The following OXGR1 variants were observed in gnomAD, a reference collection of about 807,000 sequenced individuals.
OXGR1 encodes the protein oxoglutarate receptor 1, also known as 2-oxoglutarate receptor 1.
A neutral mutation model predicts 10.0 loss-of-function variants in OXGR1; 10 were observed. That is an observed-to-expected ratio of 1.00 (90% CI 0.62 to 1.70). OXGR1 has a LOEUF of 1.70. Ranked by LOEUF, OXGR1 falls within the 40% of genes most tolerant of loss-of-function variation. The pLI is 0.00. For missense variants in OXGR1, 398 were observed against 407.6 expected (o/e 0.98, Z 0.20); for synonymous variants, 191 against 155.9 (o/e 1.22, Z -1.68).
At chr13:96,988,422 G>A (rs146767504) in intron 3 of OXGR1, among the ~76,000 whole-genome samples, 5 of 152,230 alleles carry the variant, frequency 3.3e-5, no homozygotes, top group East Asian at 3.9e-4. Flanking sequence ...CATGATTGCC[G>A]TAAATAACGG....
At chr13:96,991,544 A>G (rs74107003) in intron 2 of OXGR1, among the ~76,000 whole-genome samples, 6,764 of 152,342 alleles carry the variant, frequency 0.044, 478 homozygotes, top group African/African-American at 0.15. Context: ...CAGCTTTAAC[A>G]TAACCAAAAA....
rs558708171 is a variant in OXGR1 at position 96,992,573 on chromosome 13, C to T, written c.-277-1G>A. 4 of 152,274 alleles carry T rather than the reference C, an allele frequency of 2.6e-5. No individual in the cohort carries two copies. The highest frequency in any genetic ancestry group is 4.4e-5 in the Non-Finnish European group (3 of 68,042). 9.4% of individuals were successfully genotyped at this position (152,274 alleles called of 1,614,324 possible). On this transcript the variant is annotated splice_acceptor_variant, in intron 1 of 3. Coordinates refer to ENST00000541038, the MANE Select transcript of OXGR1 (RefSeq NM_001346194.2). LOFTEE classifies it low-confidence loss of function (5UTR_SPLICE). ...CCTCACGGATTGGGATTCCAAGATT[C>T]TGTGGGTAAAGAAGGCAGGATCAGA...
intron 2 of OXGR1, among the ~76,000 whole-genome samples, chr13:96,992,117 T>G (rs1487935751): frequency 6.7e-6 from 1 of 149,330 alleles, no homozygotes; most frequent in Non-Finnish European, 1.5e-5. Context: ...AGGGGATGGC[T>G]AATGTGTACA....
chr13:96,987,361 A>G lies in OXGR1; in HGVS notation c.399T>C (p.Cys133=). ...FLTCFSIFRY[C]VIIHPMSCFS... is the part of the protein sequence containing the mutation. Reference sequence around the variant, plus strand: ...AGCAGCTCATTGGGTGAATGATCACACAGTAGCGGAAGATGCTGAAACAGG... The same window carrying G: ...AGCAGCTCATTGGGTGAATGATCACGCAGTAGCGGAAGATGCTGAAACAGG... Residue 133 remains cysteine (C), a synonymous_variant, in exon 4 of 4, where the codon TGT becomes TGC. Coordinates refer to ENST00000541038, the MANE Select transcript of OXGR1 (RefSeq NM_001346194.2). 1 of 1,614,220 alleles carries G rather than the reference A, an allele frequency of 6.2e-7. No homozygotes were observed. The highest frequency in any genetic ancestry group is 1.6e-4 in the Middle Eastern group (1 of 6,062).
chr13:96,990,298 T>C (rs1199872153), intron 2 of OXGR1, among the ~76,000 whole-genome samples: 1 of 152,174 alleles, frequency 6.6e-6, no homozygotes, highest in Non-Finnish European at 1.5e-5. Flanking sequence ...AGACAGTTCT[T>C]AGATTATGTC....
chr13:96,990,281 G>T (rs569442467), intron 2 of OXGR1, among the ~76,000 whole-genome samples: 2 of 152,190 alleles, frequency 1.3e-5, no homozygotes, highest in Non-Finnish European at 2.9e-5. Flanking sequence ...GAAGCAGCAC[G>T]TCCCAAAGAC....
At position 96,987,027 on chromosome 13, in the gene OXGR1, G is replaced by T; in HGVS notation, c.733C>A (p.Leu245Met). Residue 245 changes from leucine (L) to methionine (M), a missense_variant, in exon 4 of 4, where the codon CTG (leucine) becomes ATG (methionine). Leu to Met is a conservative substitution (Grantham distance 15, BLOSUM62 2). Transcript: ENST00000541038. ...CATACGTAAAATGCAAGGAGTAGCA[G>T]AATGGTTAGCCTTCGTGCTTTCTGC... The part of the protein sequence containing the change: ...LKQKARRLTI[L>M]LLLAFYVCFL... 1.2e-6 allele frequency: 2 copies of T among 1,614,208 alleles called. No individual in the cohort carries two copies. Among genetic ancestry groups the T allele is most frequent in the Non-Finnish European group, 1.7e-6 (2 of 1,180,038 alleles).
intron 1 of OXGR1, 28 bp from the exon 2 acceptor site, chr13:96,992,600 A>G (rs1462551910): frequency 6.6e-6 from 1 of 152,164 alleles, no homozygotes. Flanking sequence ...AGGATCAGAA[A>G]TGCTATCCAG....
chr13:96,987,816 C>A lies in OXGR1; in HGVS notation c.-57G>T. 1 of 1,510,890 alleles carries A rather than the reference C, an allele frequency of 6.6e-7. No homozygotes were observed. Among genetic ancestry groups the A allele is most frequent in the South Asian group, 1.4e-5 (1 of 73,046 alleles). 93.6% of individuals were successfully genotyped at this position (1,510,890 alleles called of 1,614,324 possible). ...GAGAGTTCAGTTTGGCAATATGAAT[C>A]AAATGAGCAGTAACTCGCTGATAAA... On this transcript the variant is annotated 5_prime_UTR_variant, in exon 4 of 4. Coordinates refer to ENST00000541038, the MANE Select transcript of OXGR1 (RefSeq NM_001346194.2).
In OXGR1 at chr13:96,987,362, C is replaced by G; in HGVS notation, c.398G>C (p.Cys133Ser). 3.7e-6 allele frequency: 6 copies of G among 1,614,150 alleles called. No individual in the cohort carries two copies. Among genetic ancestry groups the G allele is most frequent in the East Asian group, 4.5e-5 (2 of 44,878 alleles). Reference sequence around the variant, plus strand: ...GCAGCTCATTGGGTGAATGATCACACAGTAGCGGAAGATGCTGAAACAGGT... The same window carrying G: ...GCAGCTCATTGGGTGAATGATCACAGAGTAGCGGAAGATGCTGAAACAGGT... ...FLTCFSIFRY[C>S]VIIHPMSCFS... Residue 133 changes from cysteine (C) to serine (S), a missense_variant, in exon 4 of 4, where the codon TGT (cysteine) becomes TCT (serine). Coordinates refer to ENST00000541038, the MANE Select transcript of OXGR1 (RefSeq NM_001346194.2).
rs767065090 is a variant in OXGR1, at chr13:96,987,231, T to C, written c.529A>G (p.Arg177Gly). Reference protein sequence around the residue: ...PMTFLITSTNRTNRSACLDLT... With the variant: ...PMTFLITSTNGTNRSACLDLT... ...TCGAGACAGGCTGATCTGTTGGTCCTGTTGGTTGATGTGATCAAGAAGGTC... is the reference window on the plus strand; with the variant it reads ...TCGAGACAGGCTGATCTGTTGGTCCCGTTGGTTGATGTGATCAAGAAGGTC... Residue 177 changes from arginine (R) to glycine (G), a missense_variant, in exon 4 of 4, where the codon AGG (arginine) becomes GGG (glycine). By Grantham distance (125) the Arg-to-Gly change is moderately radical. Coordinates refer to ENST00000541038, the MANE Select transcript of OXGR1 (RefSeq NM_001346194.2). 4 of 1,613,996 alleles carry C rather than the reference T, an allele frequency of 2.5e-6. No homozygotes were observed. The highest frequency in any genetic ancestry group is 3.4e-6 in the Non-Finnish European group (4 of 1,179,958).
chr13:96,993,583 T>A (rs979223545), intron 1 of OXGR1, among the ~76,000 whole-genome samples: 2 of 152,204 alleles, frequency 1.3e-5, no homozygotes, highest in Non-Finnish European at 2.9e-5. Context: ...TAAGAGGTCA[T>A]GTTGATGCAG....
At chr13:96,991,126 C>A (rs914352841) in intron 2 of OXGR1, among the ~76,000 whole-genome samples, 1 of 151,964 alleles carries the variant, frequency 6.6e-6, no homozygotes, top group African/African-American at 2.4e-5. Context: ...TTCTGAAAAA[C>A]AATAGTTCAA....
At chr13:96,988,355 C>A (rs898541452) in intron 3 of OXGR1, among the ~76,000 whole-genome samples, 1 of 152,172 alleles carries the variant, frequency 6.6e-6, no homozygotes, top group Non-Finnish European at 1.5e-5. Flanking sequence ...AAAAGCCATT[C>A]CCTTTCTACA....
intron 1 of OXGR1, among the ~76,000 whole-genome samples, chr13:96,993,953 C>A (rs1417460219): frequency 1.3e-5 from 2 of 152,258 alleles, no homozygotes; most frequent in African/African-American, 4.8e-5. Flanking sequence ...AGCACTCTCC[C>A]TGCCCACCTC....
chr13:96,986,987 T>C lies in OXGR1; in HGVS notation c.773A>G (p.His258Arg). Residue 258 changes from histidine to arginine, a missense_variant, in exon 4 of 4, where the codon CAT becomes CGT. Transcript: ENST00000541038. Reference sequence around the variant, plus strand: ...TTCGATCCGAATGACCCTCAAGATATGGAAGGGTAAAAAACATACGTAAAA... The same window carrying C: ...TTCGATCCGAATGACCCTCAAGATACGGAAGGGTAAAAAACATACGTAAAA... ...LAFYVCFLPF[H>R]ILRVIRIESR... is the part of the protein sequence containing the mutation. The C allele has an allele frequency of 6.2e-7, 1 of 1,614,182 alleles. No homozygotes were observed. Among genetic ancestry groups the C allele is most frequent in the Non-Finnish European group, 8.5e-7 (1 of 1,180,030 alleles).
intron 2 of OXGR1, 138 bp from the exon 3 acceptor site, chr13:96,989,947 T>C (rs1881970569): frequency 6.6e-6 from 1 of 152,230 alleles, no homozygotes; most frequent in African/African-American, 2.4e-5. Flanking sequence ...GATACCAAAA[T>C]CTGCAGATGC....
intron 2 of OXGR1, 90 bp downstream of exon 2, chr13:96,992,332 T>C (rs1042496167): frequency 6.6e-6 from 1 of 152,152 alleles, no homozygotes; most frequent in African/African-American, 2.4e-5. Flanking sequence ...CATGCCTGTA[T>C]CAAAATATCT....
intron 1 of OXGR1, among the ~76,000 whole-genome samples, chr13:96,993,902 G>A (rs1882184446): frequency 6.6e-6 from 1 of 152,032 alleles, no homozygotes; most frequent in African/African-American, 2.4e-5. Context: ...TCAGCAGGGC[G>A]GTGATCAATG....
Sources: allele counts gnomAD v4.1 joint callset (sites outside exome capture counted in the v4.1 genomes callset), GRCh38; gene constraint gnomAD v4.1.1; transcripts MANE v1.5; gene names NCBI Gene and HGNC (gene_info 2026-07-23, HGNC 2026-07-21).